The following MTFR1 variants were observed in gnomAD, a reference collection of about 807,000 sequenced individuals.
The protein encoded by MTFR1 is mitochondrial fission regulator 1.
A neutral mutation model predicts 38.8 loss-of-function variants in MTFR1; 28 were observed. The observed-to-expected ratio is 0.72, with a 90% confidence interval of 0.53 to 0.99. The LOEUF is 0.99. Ranked by LOEUF, MTFR1 falls within the 50% of genes least tolerant of loss-of-function variation. The pLI, the probability that MTFR1 is intolerant of heterozygous loss-of-function variation, is 0.00. For missense variants in MTFR1, 358 were observed against 395.5 expected (o/e 0.91, Z 0.81); for synonymous variants, 145 against 137.0 (o/e 1.06, Z -0.41).
chr8:65,775,916 C>T (rs1809246296), downstream of MTFR1, among the ~76,000 whole-genome samples: 1 of 152,178 alleles, frequency 6.6e-6, no homozygotes, highest in Non-Finnish European at 1.5e-5. Context: ...GCGTGAGCCA[C>T]CATGCCCGGC....
At chr8:65,664,880 GC>G (rs1563437610) in intron 1 of MTFR1, among the ~76,000 whole-genome samples, 2 of 150,496 alleles carry the variant, frequency 1.3e-5, no homozygotes, top group Non-Finnish European at 3.0e-5. Flanking sequence ...GAGCCACCGT[GC>G]CCCAGCCAAA....
intron 3 of MTFR1, chr8:65,724,467 T>C: frequency 3.2e-6 from 2 of 633,874 alleles, no homozygotes; most frequent in East Asian, 5.6e-5. Flanking sequence ...GCCAGAAATA[T>C]AATTCTCCTA....
At chr8:65,752,004 T>A (rs1807993191) in intron 3 of MTFR1, among the ~76,000 whole-genome samples, 1 of 152,198 alleles carries the variant, frequency 6.6e-6, no homozygotes. Flanking sequence ...ATTTAGCCAG[T>A]CCTCTACTGA....
At chr8:65,673,393 T>C (rs558132889) in intron 2 of MTFR1, among the ~76,000 whole-genome samples, 16 of 130,392 alleles carry the variant, frequency 1.2e-4, no homozygotes, top group African/African-American at 4.8e-4. Flanking sequence ...ATAATAGATA[T>C]AATAAGAATG....
intron 1 of MTFR1, among the ~76,000 whole-genome samples, chr8:65,667,401 T>C (rs1188938858): frequency 6.6e-6 from 1 of 152,114 alleles, no homozygotes; most frequent in Non-Finnish European, 1.5e-5. Context: ...ATTTAAACTT[T>C]GGTGAATTCA....
rs572196375 is a variant in MTFR1 at position 65,696,984 on chromosome 8, C to CTTTT, written c.281+3240_281+3243dup. ...CCAATATGTAACCTTTTGGGACTGG[C>CTTTT]TTTTTTTTTTTTTTTTTTGAGACAG... On this transcript the variant is annotated intron_variant, in intron 4 of 7. Coordinates refer to ENST00000262146, the MANE Select transcript of MTFR1 (RefSeq NM_014637.4). Among the ~76,000 whole-genome samples the CTTTT allele has an allele frequency of 2.7e-5, 3 of 111,212 alleles. 1 individual carries two copies. Among genetic ancestry groups the CTTTT allele is most frequent in the African/African-American group, 1.0e-4 (3 of 29,592 alleles). The allele number at this position is 111,212 out of a possible 152,430, so 73.0% of individuals were successfully genotyped here.
At chr8:65,717,981 T>C (rs753582598) in intron 2 of MTFR1, 1 of 152,250 alleles carries the variant, frequency 6.6e-6, no homozygotes, top group Non-Finnish European at 1.5e-5. Flanking sequence ...TTAGTCCTTA[T>C]AGTTTGTCCT....
intron 3 of MTFR1, among the ~76,000 whole-genome samples, chr8:65,766,664 C>G (rs1356281238): frequency 6.6e-6 from 1 of 152,226 alleles, no homozygotes; most frequent in Non-Finnish European, 1.5e-5. Context: ...TCCCTCTCTC[C>G]TCTTCCTCCA....
chr8:65,713,439 A>AACACACACACACACAC (rs144454204), downstream of MTFR1, among the ~76,000 whole-genome samples: 289 of 137,536 alleles, frequency 2.1e-3, 1 homozygote, highest in East Asian at 5.5e-3. Context: ...TCCCATCTCA[A>AACACACACACACACAC]ACACACACAC....
intron 1 of MTFR1, among the ~76,000 whole-genome samples, chr8:65,669,355 C>T (rs1185369607): frequency 6.6e-6 from 1 of 152,164 alleles, no homozygotes; most frequent in Non-Finnish European, 1.5e-5. Flanking sequence ...AAATTAGTTT[C>T]TCTGAAGATT....
chr8:65,760,778 T>C (rs932980473), intron 3 of MTFR1, among the ~76,000 whole-genome samples: 3 of 152,122 alleles, frequency 2.0e-5, no homozygotes, highest in African/African-American at 7.2e-5. Flanking sequence ...ACTCCTATTA[T>C]GGGGAAAGGA....
chr8:65,665,488 C>T (rs1226372746), intron 1 of MTFR1, among the ~76,000 whole-genome samples: 5 of 152,130 alleles, frequency 3.3e-5, no homozygotes, highest in African/African-American at 1.2e-4. Context: ...AGCACTCTAC[C>T]ACATAGTTTC....
chr8:65,662,789 C>T (rs1229358002), intron 1 of MTFR1, among the ~76,000 whole-genome samples: 1 of 150,770 alleles, frequency 6.6e-6, no homozygotes, highest in African/African-American at 2.4e-5. Context: ...CGCCCAGCAG[C>T]CACCCCGTCC....
chr8:65,672,395 A>G (rs985047531), intron 2 of MTFR1, among the ~76,000 whole-genome samples: 4 of 152,220 alleles, frequency 2.6e-5, no homozygotes, highest in African/African-American at 9.6e-5. Flanking sequence ...TCTTAGCTCT[A>G]CCTTTCAGTG....
At chr8:65,688,764 C>A (rs1296173858) in intron 3 of MTFR1, among the ~76,000 whole-genome samples, 1 of 151,870 alleles carries the variant, frequency 6.6e-6, no homozygotes, top group Non-Finnish European at 1.5e-5. Flanking sequence ...TTTTTCTTAG[C>A]ATGGAAGCAA....
chr8:65,750,498 G>C (rs1162772040), intron 3 of MTFR1, among the ~76,000 whole-genome samples: 4 of 144,398 alleles, frequency 2.8e-5, no homozygotes, highest in African/African-American at 1.1e-4. Context: ...GTGTGTGTGT[G>C]TGTGTCTGTG....
chr8:65,736,757 G>A (rs1807148097), intron 3 of MTFR1, among the ~76,000 whole-genome samples: 1 of 146,982 alleles, frequency 6.8e-6, no homozygotes, highest in Non-Finnish European at 1.5e-5. Flanking sequence ...AAAAGAAAAA[G>A]CTTCTCAAAA....
At chr8:65,756,769 A>G (rs905368685) in intron 3 of MTFR1, among the ~76,000 whole-genome samples, 1 of 151,654 alleles carries the variant, frequency 6.6e-6, no homozygotes, top group African/African-American at 2.4e-5. Flanking sequence ...TTTATATCAA[A>G]TTCTTTTTTT....
In MTFR1 at chr8:65,727,096, T is replaced by C. The variant is rs1806642972; in HGVS notation, c.*48+7615T>C. Reference sequence around the variant, plus strand: ...TTCATTGAGAATTTATTTTCATTACTTTCATTTCTTCAAAATATGAAAGAT... The same window carrying C: ...TTCATTGAGAATTTATTTTCATTACCTTCATTTCTTCAAAATATGAAAGAT... On this transcript the variant is annotated intron_variant, in intron 3 of 3. Coordinates refer to the MTFR1 transcript ENST00000521247. 3 of 1,081,948 alleles carry C rather than the reference T, an allele frequency of 2.8e-6. No individual in the cohort carries two copies. In the Admixed American group the frequency reaches 6.0e-5, roughly 21 times the overall value. The allele number at this position is 1,081,948 out of a possible 1,614,324, so 67.0% of individuals were successfully genotyped here.
Sources: allele counts gnomAD v4.1 joint callset (sites outside exome capture counted in the v4.1 genomes callset), GRCh38; gene constraint gnomAD v4.1.1; transcripts MANE v1.5; gene names NCBI Gene and HGNC (gene_info 2026-07-23, HGNC 2026-07-21).